The following MAD1L1 variants were observed in gnomAD, a reference collection of about 807,000 sequenced individuals.
The protein encoded by MAD1L1 is mitotic spindle assembly checkpoint protein MAD1.
In MAD1L1, 95 loss-of-function variants were observed where a neutral mutation model predicts 96.9. That is an observed-to-expected ratio of 0.98 (90% CI 0.83 to 1.16). The LOEUF is 1.16. Ranked by LOEUF, MAD1L1 falls within the 50% of genes most tolerant of loss-of-function variation. MAD1L1 has a pLI of 0.00. For missense variants in MAD1L1, 1,007 were observed against 954.4 expected (o/e 1.06, Z -0.73); for synonymous variants, 473 against 396.6 (o/e 1.19, Z -2.29).
intron 18 of MAD1L1, among the ~76,000 whole-genome samples, chr7:1,822,755 A>T (rs1232035828): frequency 1.4e-5 from 2 of 146,866 alleles, no homozygotes; most frequent in African/African-American, 2.5e-5. Context: ...TGGTAGAGAG[A>T]CACAAGATTA....
intron 10 of MAD1L1, among the ~76,000 whole-genome samples, chr7:2,155,606 A>G (rs1789792785): frequency 6.6e-6 from 1 of 152,222 alleles, no homozygotes; most frequent in South Asian, 2.1e-4. Context: ...CACGTCCTCA[A>G]GGCTCATCCA....
At chr7:2,163,820 C>T (rs1001491460) in intron 10 of MAD1L1, among the ~76,000 whole-genome samples, 1 of 152,052 alleles carries the variant, frequency 6.6e-6, no homozygotes. Context: ...CCTCACCATG[C>T]GAATCTGACA....
At chr7:2,132,983 C>T (rs1332581786) in intron 11 of MAD1L1, among the ~76,000 whole-genome samples, 2 of 152,256 alleles carry the variant, frequency 1.3e-5, no homozygotes, top group African/African-American at 2.4e-5. Context: ...GGGAGCCTGG[C>T]GTCTCCCTGC....
intron 18 of MAD1L1, among the ~76,000 whole-genome samples, chr7:1,820,404 G>A (rs1427627436): frequency 6.6e-6 from 1 of 152,126 alleles, no homozygotes; most frequent in Non-Finnish European, 1.5e-5. Flanking sequence ...GCAGGAGGAG[G>A]AAATAATACA....
chr7:1,878,632 G>A (rs979412703), intron 18 of MAD1L1, among the ~76,000 whole-genome samples: 1 of 150,814 alleles, frequency 6.6e-6, no homozygotes, highest in Non-Finnish European at 1.5e-5. Flanking sequence ...AACTTTCTCA[G>A]CCTGATAAAT....
intron 18 of MAD1L1, among the ~76,000 whole-genome samples, chr7:1,840,127 C>G (rs1164781890): frequency 6.6e-6 from 1 of 152,208 alleles, no homozygotes; most frequent in Non-Finnish European, 1.5e-5. Flanking sequence ...AGTCATCCCC[C>G]AAGCCCAGGT....
intron 12 of MAD1L1, among the ~76,000 whole-genome samples, chr7:2,042,106 T>C (rs1562630827): frequency 1.4e-5 from 2 of 142,168 alleles, no homozygotes; most frequent in African/African-American, 2.6e-5. Flanking sequence ...CACGCACATG[T>C]GCACACACAC....
chr7:2,160,363 C>A (rs1177902421), intron 10 of MAD1L1, among the ~76,000 whole-genome samples: 4 of 135,340 alleles, frequency 3.0e-5, no homozygotes, highest in Admixed American at 8.0e-5. Flanking sequence ...GACAGAGTCT[C>A]ACTCTGTGGC....
At position 1,816,154 on chromosome 7, in the gene MAD1L1, C is replaced by T; in HGVS notation, c.2073G>A (p.Glu691=). The T allele has an allele frequency of 6.2e-7, 1 of 1,613,368 alleles. No individual in the cohort carries two copies. Among genetic ancestry groups the T allele is most frequent in the Non-Finnish European group, 8.5e-7 (1 of 1,179,888 alleles). The change falls in exon 19 of 19, where the codon GAG becomes GAA. Residue 691 remains glutamate (E), a synonymous_variant. Transcript: ENST00000265854. ...EFSHTVGELI[E]VHLRRQDSIP... ...TGCTGTCCTGGCGCCGCAGGTGCAC[C>T]TCGATGAGCTCGCCCACGGTGTGTG...
chr7:1,831,333 A>C (rs1782693892), intron 18 of MAD1L1, among the ~76,000 whole-genome samples: 1 of 152,186 alleles, frequency 6.6e-6, no homozygotes, highest in African/African-American at 2.4e-5. Context: ...AGTGCCCATA[A>C]GAGAGCAAAC....
At chr7:1,965,898 C>T (rs1002249355) in intron 15 of MAD1L1, among the ~76,000 whole-genome samples, 7 of 152,392 alleles carry the variant, frequency 4.6e-5, no homozygotes, top group South Asian at 2.1e-4. Context: ...GACCCAGAAA[C>T]GTGAAAGGAC....
intron 18 of MAD1L1, among the ~76,000 whole-genome samples, chr7:1,886,233 C>T (rs996721021): frequency 2.0e-5 from 3 of 152,192 alleles, no homozygotes; most frequent in South Asian, 2.1e-4. Flanking sequence ...GGGTAAGTAC[C>T]CCTCCAAGAG....
chr7:2,152,258 G>C (rs190679034), intron 10 of MAD1L1, among the ~76,000 whole-genome samples: 1 of 152,254 alleles, frequency 6.6e-6, no homozygotes, highest in South Asian at 2.1e-4. Context: ...GTCCCCATGC[G>C]ACCAGGCCCC....
chr7:2,111,998 T>C (rs1476887), intron 11 of MAD1L1, among the ~76,000 whole-genome samples: 53,562 of 152,038 alleles, frequency 0.35, 10,752 homozygotes, highest in East Asian at 0.52. Flanking sequence ...CCAGAAACAA[T>C]ACAGATGTCC....
chr7:1,976,737 C>T (rs969925598), intron 15 of MAD1L1, among the ~76,000 whole-genome samples: 4 of 152,192 alleles, frequency 2.6e-5, no homozygotes, highest in South Asian at 2.1e-4. Flanking sequence ...CTGACTGGTG[C>T]GTTTACAAAC....
chr7:1,830,837 A>C (rs1340927370), intron 18 of MAD1L1, among the ~76,000 whole-genome samples: 12 of 152,256 alleles, frequency 7.9e-5, no homozygotes, highest in Non-Finnish European at 4.4e-5. Flanking sequence ...GGAAGAAAAA[A>C]GAACAAAGGA....
At chr7:2,056,615 C>T (rs942733835) in intron 12 of MAD1L1, among the ~76,000 whole-genome samples, 2 of 152,160 alleles carry the variant, frequency 1.3e-5, no homozygotes, top group Non-Finnish European at 2.9e-5. Context: ...GGGCGGTGCT[C>T]ACCTCGAACC....
rs114335879 is a variant in MAD1L1 at position 1,915,810 on chromosome 7, G to A, written c.1808-17420C>T. 6.2e-3 allele frequency among the ~76,000 whole-genome samples: 948 copies of A among 152,290 alleles called. 12 individuals carry two copies. Among genetic ancestry groups the A allele is most frequent in the African/African-American group, 0.022 (907 of 41,558 alleles). ...CCCTCACGCCACGAACAGAACCAGC[G>A]GGATAAGGGGCTTAGTCTAAGGTCG... is the stretch of plus-strand genomic sequence containing the variant. On this transcript the variant is annotated intron_variant, in intron 17 of 18. Transcript: ENST00000265854.
In MAD1L1 at chr7:1,827,563, G is replaced by C. The variant is rs1379383294; in HGVS notation, c.1999-11335C>G. Among the ~76,000 whole-genome samples the C allele has an allele frequency of 3.2e-4, 32 of 100,968 alleles. 1 individual carries two copies. Among genetic ancestry groups the C allele is most frequent in the Middle Eastern group, 5.7e-3 (1 of 174 alleles). 66.2% of individuals were successfully genotyped at this position (100,968 alleles called of 152,430 possible). A position where few individuals can be genotyped will look rare whatever the true frequency, so the allele number is the denominator to read the frequency against. On this transcript the variant is annotated intron_variant, in intron 18 of 18. Coordinates refer to ENST00000265854, the MANE Select transcript of MAD1L1 (RefSeq NM_001013836.2). ...TGTGGGGGCCTCCCCTCCTGAGCCCGTCCCGGGTGTGGCATCCTCCCCTCC... is the reference window on the plus strand; with the variant it reads ...TGTGGGGGCCTCCCCTCCTGAGCCCCTCCCGGGTGTGGCATCCTCCCCTCC...
Sources: gnomAD v4.1 joint callset for allele counts (sites outside exome capture counted in the v4.1 genomes callset) on GRCh38, gnomAD v4.1.1 for gene constraint, MANE v1.5 for transcripts, NCBI Gene and HGNC (gene_info 2026-07-23, HGNC 2026-07-21) for gene names.